Variants in CRADD observed in about 807,000 individuals in gnomAD.
CRADD encodes death domain-containing protein CRADD.
In CRADD, 9 loss-of-function variants were observed where a neutral mutation model predicts 15.5. That is an observed-to-expected ratio of 0.58 (90% CI 0.35 to 1.01). CRADD has a LOEUF of 1.01. Ranked by LOEUF, CRADD falls within the 50% of genes least tolerant of loss-of-function variation. CRADD has a pLI of 0.02. For synonymous variants in CRADD, 118 were observed against 107.6 expected, an observed-to-expected ratio of 1.10 and a Z score of -0.60; for missense variants, 227 against 250.3, an observed-to-expected ratio of 0.91 and a Z score of 0.63.
At chr12:93,858,607 T>G (rs1958293807) in intron 2 of CRADD, among the ~76,000 whole-genome samples, 1 of 152,240 alleles carries the variant, frequency 6.6e-6, no homozygotes, top group African/African-American at 2.4e-5. Context: ...TCTGACCTTC[T>G]GCTGCCCGCT....
intron 2 of CRADD, among the ~76,000 whole-genome samples, chr12:93,887,248 C>T (rs1253307432): frequency 3.9e-5 from 6 of 152,156 alleles, no homozygotes; most frequent in East Asian, 1.9e-4. Context: ...GAGATCAAAA[C>T]GATGATTAAA....
At chr12:93,687,268 T>C (rs1266949863) in intron 2 of CRADD, among the ~76,000 whole-genome samples, 1 of 152,238 alleles carries the variant, frequency 6.6e-6, no homozygotes, top group African/African-American at 2.4e-5. Context: ...TTCTTTTCAC[T>C]TAGAAATTCT....
At position 93,793,784 on chromosome 12, in the gene CRADD, C is replaced by T. The variant is rs532183009; in HGVS notation, c.299-56186C>T. On this transcript the variant is annotated intron_variant, in intron 2 of 2. Transcript: ENST00000332896. ...GGGCTTCATGATACTGTTTTCTCTA[C>T]TTTTCTATATCTTTGAAAATAAAAA... Among the ~76,000 whole-genome samples, 81 of 152,292 alleles carry T rather than the reference C, an allele frequency of 5.3e-4. No individual in the cohort carries two copies. The Middle Eastern group carries it at 0.02, about 38-fold the overall frequency.
chr12:93,781,046 G>A (rs1449922836), intron 2 of CRADD, among the ~76,000 whole-genome samples: 3 of 151,736 alleles, frequency 2.0e-5, no homozygotes, highest in East Asian at 1.9e-4. Context: ...GTGAGCCACC[G>A]TGCCCAGCCT....
intron 2 of CRADD, among the ~76,000 whole-genome samples, chr12:93,740,234 T>A (rs1297071337): frequency 1.3e-5 from 2 of 152,310 alleles, no homozygotes; most frequent in Admixed American, 6.5e-5. Flanking sequence ...ACAGACCAGT[T>A]GTTTATTAGC....
intron 2 of CRADD, among the ~76,000 whole-genome samples, chr12:93,717,952 T>C (rs1956191260): frequency 6.6e-6 from 1 of 152,234 alleles, no homozygotes; most frequent in Admixed American, 6.5e-5. Flanking sequence ...CCCATTGTAT[T>C]GCTTTTGCTC....
At chr12:93,748,151 C>T (rs913891499) in intron 2 of CRADD, among the ~76,000 whole-genome samples, 6 of 152,150 alleles carry the variant, frequency 3.9e-5, no homozygotes, top group African/African-American at 1.2e-4. Context: ...CCACAGAATG[C>T]GAGTTCAGTA....
At chr12:93,780,554 T>C (rs1957195423) in intron 2 of CRADD, among the ~76,000 whole-genome samples, 1 of 152,174 alleles carries the variant, frequency 6.6e-6, no homozygotes, top group African/African-American at 2.4e-5. Flanking sequence ...GACTCCCTGA[T>C]TCCCATGCCT....
chr12:93,812,054 T>C (rs890643993), intron 2 of CRADD, among the ~76,000 whole-genome samples: 24 of 152,124 alleles, frequency 1.6e-4, no homozygotes, highest in Admixed American at 1.2e-3. Context: ...CTGTATGACA[T>C]CTGGAAAAGG....
chr12:93,695,535 A>G (rs564345350), intron 2 of CRADD, among the ~76,000 whole-genome samples: 8 of 152,338 alleles, frequency 5.3e-5, no homozygotes, highest in African/African-American at 7.2e-5. Context: ...TTTGCAAACC[A>G]TATATATGAT....
chr12:93,795,106 A>G (rs895610843), intron 2 of CRADD, among the ~76,000 whole-genome samples: 3 of 152,004 alleles, frequency 2.0e-5, no homozygotes, highest in Non-Finnish European at 2.9e-5. Context: ...TTTTGCCCCT[A>G]CCTATAAAGT....
At chr12:93,881,859 C>T (rs1317350267) in intron 2 of CRADD, among the ~76,000 whole-genome samples, 1 of 152,154 alleles carries the variant, frequency 6.6e-6, no homozygotes, top group African/African-American at 2.4e-5. Flanking sequence ...GGCGGGGTGG[C>T]TTACCACCTG....
chr12:93,745,006 A>G (rs758015678), intron 2 of CRADD, among the ~76,000 whole-genome samples: 103 of 152,324 alleles, frequency 6.8e-4, no homozygotes, highest in Middle Eastern at 3.4e-3. Flanking sequence ...ATATAATTCT[A>G]TTAGATTCCA....
chr12:93,865,821 G>GT lies in CRADD; in HGVS notation c.299-28227dup, dbSNP rs1958362423. On this transcript the variant is annotated intron_variant, in intron 2 of 2. Coordinates refer to the CRADD transcript ENST00000548483. ...TTTGTATTATTGTTATTGTTGTATT[G>GT]TTATTTTTTTCAGTATATTTTTGAT... Among the ~76,000 whole-genome samples, 4 of 96,282 alleles carry GT rather than the reference G, an allele frequency of 4.2e-5. No individual in the cohort carries two copies. The South Asian group carries it at 9.6e-4, about 23-fold the overall frequency. The allele number at this position is 96,282 out of a possible 152,430, so 63.2% of individuals were successfully genotyped here.
At chr12:93,838,657 C>T (rs1958010589) in intron 2 of CRADD, among the ~76,000 whole-genome samples, 1 of 151,342 alleles carries the variant, frequency 6.6e-6, no homozygotes, top group African/African-American at 2.4e-5. Flanking sequence ...CATATACTCA[C>T]TCTTGTTCCC....
At chr12:93,779,094 G>T (rs1016247062) in intron 2 of CRADD, among the ~76,000 whole-genome samples, 1 of 152,140 alleles carries the variant, frequency 6.6e-6, no homozygotes, top group African/African-American at 2.4e-5. Context: ...ACATACTTAG[G>T]TTCAGCTAAA....
At chr12:93,796,822 G>T (rs1332574842) in intron 2 of CRADD, among the ~76,000 whole-genome samples, 2 of 152,068 alleles carry the variant, frequency 1.3e-5, no homozygotes, top group African/African-American at 4.8e-5. Context: ...TGATGACCCT[G>T]TGCTATCTAT....
At chr12:93,847,991 G>T (rs1958152415) in intron 2 of CRADD, among the ~76,000 whole-genome samples, 1 of 152,068 alleles carries the variant, frequency 6.6e-6, no homozygotes, top group Non-Finnish European at 1.5e-5. Flanking sequence ...GAAAGAAAAG[G>T]TCATATGTTA....
chr12:93,881,996 A>T (rs1565947777), intron 2 of CRADD, among the ~76,000 whole-genome samples: 1 of 152,052 alleles, frequency 6.6e-6, no homozygotes. Context: ...GCTTGGTGGC[A>T]TGTGCCTGTC....
Sources: gnomAD v4.1 joint callset for allele counts (sites outside exome capture counted in the v4.1 genomes callset) on GRCh38, gnomAD v4.1.1 for gene constraint, MANE v1.5 for transcripts, NCBI Gene and HGNC (gene_info 2026-07-23, HGNC 2026-07-21) for gene names.